The following ACSS2 variants were observed in gnomAD, a reference collection of about 807,000 sequenced individuals.
ACSS2 encodes acetyl-coenzyme A synthetase, cytoplasmic.
In ACSS2, 58 loss-of-function variants were observed where a neutral mutation model predicts 90.6. The ratio of observed to expected loss-of-function variants is 0.64; its 90% CI spans 0.52 to 0.80. The LOEUF is 0.80. Among genes scored for constraint, ACSS2 ranks in the 30% least tolerant of loss-of-function variants. The pLI is 0.00. For missense variants in ACSS2, 759 were observed against 912.0 expected, an observed-to-expected ratio of 0.83 and a Z score of 2.16; for synonymous variants, 300 against 330.9, an observed-to-expected ratio of 0.91 and a Z score of 1.01.
chr20:34,880,272 G>T (rs1240647321), intron 1 of ACSS2, among the ~76,000 whole-genome samples: 9 of 152,130 alleles, frequency 5.9e-5, no homozygotes, highest in Admixed American at 5.9e-4. Flanking sequence ...GGCTGGGCGT[G>T]GTGGCCCACA....
At chr20:34,882,246 A>G (rs952124688) in intron 1 of ACSS2, among the ~76,000 whole-genome samples, 1 of 152,170 alleles carries the variant, frequency 6.6e-6, no homozygotes, top group Non-Finnish European at 1.5e-5. Flanking sequence ...AATAGATGGT[A>G]AAAAGTGAGT....
Position 34,927,455 on chromosome 20 carries a change from C to G in ACSS2, c.*241C>G. 1.8e-6 allele frequency: 1 copy of G among 568,920 alleles called. No homozygotes were observed. The highest frequency in any genetic ancestry group is 3.1e-6 in the Non-Finnish European group (1 of 320,954). The allele number at this position is 568,920 out of a possible 1,614,324, so 35.2% of individuals were successfully genotyped here. ...CTCCAGACTGCAGAGCTCTCAGAAC[C>G]CAGAACAGAGACGAAAAGGCTACCT... is the stretch of plus-strand genomic sequence containing the variant. On this transcript the variant is annotated 3_prime_UTR_variant, in exon 18 of 18. Coordinates refer to ENST00000360596, the MANE Select transcript of ACSS2 (RefSeq NM_018677.4). This position sits in a 1 kb window ranked among gnomAD's most constrained non-coding sequence, Gnocchi z 4.2.
rs768124613 is a variant in ACSS2 at position 34,919,474 on chromosome 20, C to T, written c.874C>T (p.Leu292Phe). Residue 292 changes from leucine to phenylalanine, a missense_variant, in exon 8 of 18, where the codon CTC becomes TTC. Transcript: ENST00000360596. ...AGGGATTGACTTGTGGTGGCATGAGCTCATGCAAGAGGCAGGGGATGAGTG... is the reference window on the plus strand; with the variant it reads ...AGGGATTGACTTGTGGTGGCATGAGTTCATGCAAGAGGCAGGGGATGAGTG... ...NQGIDLWWHE[L>F]MQEAGDECEP... The T allele has an allele frequency of 1.2e-6, 2 of 1,613,296 alleles. No homozygotes were observed. Among genetic ancestry groups the T allele is most frequent in the African/African-American group, 1.3e-5 (1 of 74,814 alleles).
At position 34,876,794 on chromosome 20, in the gene ACSS2, T is replaced by C; in HGVS notation, c.149T>C (p.Leu50Pro). The change falls in exon 1 of 18, where the codon CTG becomes CCG. Residue 50 changes from leucine (L) to proline (P), a missense_variant. Leu to Pro is a moderately conservative substitution (Grantham distance 98). Transcript: ENST00000360596. Reference sequence around the variant, plus strand: ...CCCTCGCTGCAGCGCTACCGCGAGCTGCACCGGCGCTCCGTGGAGGAGCCG... The same window carrying C: ...CCCTCGCTGCAGCGCTACCGCGAGCCGCACCGGCGCTCCGTGGAGGAGCCG... Reference protein sequence around the residue: ...HVPSLQRYRELHRRSVEEPRE... With the variant: ...HVPSLQRYREPHRRSVEEPRE... The C allele has an allele frequency of 7.5e-7, 1 of 1,333,770 alleles. No homozygotes were observed. The allele number at this position is 1,333,770 out of a possible 1,614,324, so 82.6% of individuals were successfully genotyped here.
intron 2 of ACSS2, among the ~76,000 whole-genome samples, chr20:34,907,828 C>G (rs866121694): frequency 6.6e-6 from 1 of 152,328 alleles, no homozygotes; most frequent in Middle Eastern, 3.4e-3. Flanking sequence ...TTAGTAAGCT[C>G]CCTGTGTTTG....
chr20:34,900,424 C>T (rs1201733611), intron 2 of ACSS2, among the ~76,000 whole-genome samples: 1 of 151,828 alleles, frequency 6.6e-6, no homozygotes, highest in African/African-American at 2.4e-5. Context: ...ATCCTCCCAC[C>T]TTGGCCTCCC....
In ACSS2 at chr20:34,882,936, A is replaced by G. The variant is rs752080567; in HGVS notation, c.321A>G (p.Val107=). 10 of 1,612,948 alleles carry G rather than the reference A, an allele frequency of 6.2e-6. No homozygotes were observed. Among genetic ancestry groups the G allele is most frequent in the Middle Eastern group, 1.6e-4 (1 of 6,084 alleles). The stretch of plus-strand genomic sequence containing the variant: ...CAACTACCAACATCTGCTACAATGT[A>G]CTGGATCGAAATGTCCATGAGAAAA... ...KGATTNICYN[V]LDRNVHEKKL... Residue 107 remains valine (V), a synonymous_variant, in exon 2 of 18, where the codon GTA becomes GTG. Transcript: ENST00000360596.
At position 34,920,687 on chromosome 20, in the gene ACSS2, C is replaced by T; in HGVS notation, c.1121C>T (p.Ala374Val). The T allele has an allele frequency of 6.2e-7, 1 of 1,612,926 alleles. No individual in the cohort carries two copies. Among genetic ancestry groups the T allele is most frequent in the Non-Finnish European group, 8.5e-7 (1 of 1,179,344 alleles). Residue 374 changes from alanine (A) to valine (V), a missense_variant, in exon 9 of 18, where the codon GCC becomes GTC. By Grantham distance (64) the Ala-to-Val change is moderately conservative (BLOSUM62 0). Transcript: ENST00000360596. ...TCCTACGTCACCTATGGGCCACTGG[C>T]CAATGGTGCCACCAGTGTTTTGGTG... is the stretch of plus-strand genomic sequence containing the variant. ...GHSYVTYGPL[A>V]NGATSVLFEG... is the part of the protein sequence containing the mutation.
Position 34,913,128 on chromosome 20 carries a change from T to A in ACSS2, c.407T>A (p.Ile136Asn). ...EGNEPGETTQ[I>N]TYHQLLVQVC... ...AATGAGCCAGGGGAGACCACTCAGA[T>A]CACATACCATCAGCTTCTGGTCCAA... Residue 136 changes from isoleucine to asparagine, a missense_variant, in exon 3 of 18, where the codon ATC becomes AAC. Ile to Asn is a moderately radical substitution (Grantham distance 149). Transcript: ENST00000360596. The A allele has an allele frequency of 6.2e-7, 1 of 1,614,164 alleles. No individual in the cohort carries two copies. The highest frequency in any genetic ancestry group is 8.5e-7 in the Non-Finnish European group (1 of 1,180,038).
chr20:34,893,300 C>A (rs551334159), intron 2 of ACSS2, among the ~76,000 whole-genome samples: 2 of 152,250 alleles, frequency 1.3e-5, no homozygotes, highest in East Asian at 3.9e-4. Flanking sequence ...CTCCAAGGTC[C>A]AAGTGATCCT....
In ACSS2 at chr20:34,913,485, C is replaced by A. The variant is rs1423542078; in HGVS notation, c.559C>A (p.His187Asn). Residue 187 changes from histidine (H) to asparagine (N), a missense_variant, in exon 4 of 18, where the codon CAC (histidine) becomes AAC (asparagine). By Grantham distance (68) the His-to-Asn change is moderately conservative. Transcript: ENST00000360596. ...GGCATGTGCCCGCATTGGGGCTTTG[C>A]ACTCCATTGTGGTAGGAGTTTGGGC... ...MLACARIGAL[H>N]SIVFAGFSSE... 2 of 1,613,174 alleles carry A rather than the reference C, an allele frequency of 1.2e-6. No individual in the cohort carries two copies. The highest frequency in any genetic ancestry group is 1.7e-6 in the Non-Finnish European group (2 of 1,179,622).
intron 2 of ACSS2, among the ~76,000 whole-genome samples, chr20:34,885,456 G>A (rs2080169938): frequency 6.6e-6 from 1 of 152,080 alleles, no homozygotes; most frequent in Admixed American, 6.5e-5. Context: ...TTCCCCATCT[G>A]TAAAATGAGA....
chr20:34,895,937 A>G (rs1468728978), intron 2 of ACSS2, among the ~76,000 whole-genome samples: 2 of 152,240 alleles, frequency 1.3e-5, no homozygotes, highest in Admixed American at 6.5e-5. Flanking sequence ...TGTGTCTATT[A>G]TACTTGAGAG....
Position 34,900,166 on chromosome 20 carries a change from C to CTTTT in ACSS2, c.375-12911_375-12908dup, listed in dbSNP as rs34951413. On this transcript the variant is annotated intron_variant, in intron 2 of 17. Coordinates refer to ENST00000360596, the MANE Select transcript of ACSS2 (RefSeq NM_018677.4). ...TTGTATCTCCTTGACCATGCCTGAC[C>CTTTT]TTTTTTTTTTTTTTTTTTTTTTGAG... 8.3e-4 allele frequency among the ~76,000 whole-genome samples: 66 copies of CTTTT among 79,212 alleles called. 1 individual carries two copies. Among genetic ancestry groups the CTTTT allele is most frequent in the Non-Finnish European group, 1.0e-3 (43 of 42,188 alleles). The allele number at this position is 79,212 out of a possible 152,430, so 52.0% of individuals were successfully genotyped here.
Position 34,926,948 on chromosome 20 carries a change from T to C in ACSS2, c.1975T>C (p.Ser659Pro). 1 of 1,614,054 alleles carries C rather than the reference T, an allele frequency of 6.2e-7. No individual in the cohort carries two copies. The highest frequency in any genetic ancestry group is 8.5e-7 in the Non-Finnish European group (1 of 1,180,006). Residue 659 changes from serine to proline, a missense_variant, in exon 17 of 18, where the codon TCA (serine) becomes CCA (proline). Coordinates refer to ENST00000360596, the MANE Select transcript of ACSS2 (RefSeq NM_018677.4). ...TGCACCTGGCTTGCCTAAAACCCGCTCAGGTATGTTCAGAGGCCTCCATGG... is the reference window on the plus strand; with the variant it reads ...TGCACCTGGCTTGCCTAAAACCCGCCCAGGTATGTTCAGAGGCCTCCATGG... ...QNAPGLPKTR[S>P]GKIMRRVLRK... is the part of the protein sequence containing the mutation.
intron 2 of ACSS2, among the ~76,000 whole-genome samples, chr20:34,906,399 C>T (rs867974729): frequency 4.6e-5 from 7 of 151,378 alleles, no homozygotes; most frequent in Admixed American, 6.6e-5. Context: ...TAGGCCAATA[C>T]CCTGCCCCTC....
At chr20:34,880,569 T>TA (rs111992036) in intron 1 of ACSS2, among the ~76,000 whole-genome samples, 36 of 145,922 alleles carry the variant, frequency 2.5e-4, no homozygotes, top group Middle Eastern at 3.6e-3. Flanking sequence ...TAATAGAAAT[T>TA]AAAAAAAAAA....
At chr20:34,921,659 T>C (rs370203711) in intron 12 of ACSS2, 59 bp downstream of exon 12, 130 of 1,613,186 alleles carry the variant, frequency 8.1e-5, no homozygotes, top group Non-Finnish European at 1.1e-4. Flanking sequence ...TTGGGGCACT[T>C]GGCCTAGTTA....
At chr20:34,876,853 G>A in intron 1 of ACSS2, 30 bp downstream of exon 1, 1 of 1,259,132 alleles carries the variant, frequency 7.9e-7, no homozygotes. Context: ...GGCCTGGGGT[G>A]TCAGTGAGGA....
Sources: allele counts gnomAD v4.1 joint callset (sites outside exome capture counted in the v4.1 genomes callset), GRCh38; gene constraint gnomAD v4.1.1; non-coding constraint Gnocchi (gnomAD v3.1); transcripts MANE v1.5; gene names NCBI Gene and HGNC (gene_info 2026-07-23, HGNC 2026-07-21).